Variants in GTF2F2 observed in about 807,000 individuals in gnomAD.
GTF2F2 encodes the protein general transcription factor IIF subunit 2.
Under a neutral mutation model 42.2 loss-of-function variants are expected in GTF2F2, and 23 were observed. The observed-to-expected ratio is 0.55, with a 90% CI of 0.39 to 0.77. The LOEUF is 0.77. Among genes scored for constraint, GTF2F2 ranks in the 30% least tolerant of loss-of-function variants. GTF2F2 has a pLI of 0.00. For missense variants in GTF2F2, 261 were observed against 287.2 expected, an observed-to-expected ratio of 0.91 and a Z score of 0.66; for synonymous variants, 105 against 100.8, an observed-to-expected ratio of 1.04 and a Z score of -0.25.
chr13:45,131,094 AAT>A (rs1869318752), intron 1 of GTF2F2, among the ~76,000 whole-genome samples: 1 of 152,124 alleles, frequency 6.6e-6, no homozygotes, highest in African/African-American at 2.4e-5. Flanking sequence ...CTCTGCTAAA[AAT>A]ACAAAATTAG....
intron 1 of GTF2F2, among the ~76,000 whole-genome samples, chr13:45,124,599 C>CG (rs1438042147): frequency 2.6e-5 from 4 of 151,968 alleles, no homozygotes; most frequent in Non-Finnish European, 5.9e-5. Context: ...GAGTCTCACC[C>CG]GGTCACCCAG....
At chr13:45,191,255 A>ATATATATATATATATATATATATG (rs1260872563) in intron 4 of GTF2F2, among the ~76,000 whole-genome samples, 1 of 136,530 alleles carries the variant, frequency 7.3e-6, no homozygotes, top group Non-Finnish European at 1.5e-5. Flanking sequence ...ATATATATAT[A>ATATATATATATATATATATATATG]GCCATAATCT....
At chr13:45,283,323 T>G in intron 7 of GTF2F2, 119 bp from the exon 8 acceptor site, 2 of 857,336 alleles carry the variant, frequency 2.3e-6, no homozygotes, top group Non-Finnish European at 1.7e-6. Flanking sequence ...GAAATCTTGC[T>G]GAGCTTTTAG....
At chr13:45,228,519 A>G (rs373452474) in intron 5 of GTF2F2, among the ~76,000 whole-genome samples, 4 of 144,216 alleles carry the variant, frequency 2.8e-5, no homozygotes, top group East Asian at 4.2e-4. Flanking sequence ...TGAGACCAGT[A>G]GCATTTGTCT....
rs189911777 is a variant in GTF2F2, at chr13:45,243,692, G to A, written c.387-9179G>A. ...TGTTTGTTTTTTGAGACGGAGTCTC[G>A]CTTTGTCACCCAGGCTGGAGTGCAG... is the stretch of plus-strand genomic sequence containing the variant. On this transcript the variant is annotated intron_variant, in intron 5 of 7. Coordinates refer to ENST00000340473, the MANE Select transcript of GTF2F2 (RefSeq NM_004128.3). Among the ~76,000 whole-genome samples, 266 of 151,966 alleles carry A rather than the reference G, an allele frequency of 1.8e-3. 1 individual carries two copies. Among genetic ancestry groups the A allele is most frequent in the African/African-American group, 6.1e-3 (251 of 41,442 alleles).
chr13:45,266,398 G>A (rs1305289715), intron 6 of GTF2F2, among the ~76,000 whole-genome samples: 1 of 152,148 alleles, frequency 6.6e-6, no homozygotes, highest in Non-Finnish European at 1.5e-5. Context: ...GTTCAAGGAG[G>A]TTGCACAGGG....
At chr13:45,138,737 C>G (rs943818017) in intron 2 of GTF2F2, among the ~76,000 whole-genome samples, 24 of 152,268 alleles carry the variant, frequency 1.6e-4, no homozygotes, top group African/African-American at 5.8e-4. Flanking sequence ...CCTCTGCCTC[C>G]CGGGTTCAAG....
intron 7 of GTF2F2, among the ~76,000 whole-genome samples, chr13:45,270,831 T>C (rs1876757546): frequency 6.6e-6 from 1 of 152,232 alleles, no homozygotes; most frequent in African/African-American, 2.4e-5. Flanking sequence ...GCATATATAG[T>C]GTTTCCTTTG....
chr13:45,168,944 T>TTCTTTCCC (rs1214238605), intron 4 of GTF2F2, among the ~76,000 whole-genome samples: 1 of 122,552 alleles, frequency 8.2e-6, no homozygotes, highest in Non-Finnish European at 1.7e-5. Context: ...CCCTCCTTCC[T>TTCTTTCCC]TCTTTCCCTC....
At chr13:45,267,451 C>A in intron 7 of GTF2F2, 75 bp downstream of exon 7, 1 of 1,023,110 alleles carries the variant, frequency 9.8e-7, no homozygotes, top group Non-Finnish European at 1.4e-6. Context: ...GTGTGTCATA[C>A]ATGATTTAGT....
chr13:45,182,522 C>T (rs563377337), intron 4 of GTF2F2, among the ~76,000 whole-genome samples: 1 of 152,252 alleles, frequency 6.6e-6, no homozygotes, highest in South Asian at 2.1e-4. Flanking sequence ...ATGCCTTTCT[C>T]TCTCTATGTT....
chr13:45,130,787 A>T (rs1869304429), intron 1 of GTF2F2, among the ~76,000 whole-genome samples: 1 of 152,180 alleles, frequency 6.6e-6, no homozygotes, highest in Non-Finnish European at 1.5e-5. Flanking sequence ...TAGTTCTAGT[A>T]TGGAGATTTT....
chr13:45,207,873 T>C (rs1429850144), intron 5 of GTF2F2, among the ~76,000 whole-genome samples: 1 of 152,154 alleles, frequency 6.6e-6, no homozygotes, highest in Non-Finnish European at 1.5e-5. Context: ...ATACTGTAAC[T>C]GGGCCAGGCA....
chr13:45,124,539 G>C (rs896677871), intron 1 of GTF2F2, among the ~76,000 whole-genome samples: 1 of 151,674 alleles, frequency 6.6e-6, no homozygotes, highest in Non-Finnish European at 1.5e-5. Context: ...TGTATTTTTA[G>C]TAGAGATGGG....
chr13:45,279,332 C>T (rs1447313937), intron 7 of GTF2F2, among the ~76,000 whole-genome samples: 1 of 152,198 alleles, frequency 6.6e-6, no homozygotes, highest in Non-Finnish European at 1.5e-5. Context: ...TCAGTTGGCT[C>T]TGTCACCAAC....
chr13:45,213,120 C>T (rs1030358888), intron 5 of GTF2F2, among the ~76,000 whole-genome samples: 2 of 151,188 alleles, frequency 1.3e-5, no homozygotes, highest in Non-Finnish European at 2.9e-5. Context: ...GCTCTGTCGC[C>T]CAGGCTGGAG....
chr13:45,141,343 G>T (rs189097553), intron 2 of GTF2F2, among the ~76,000 whole-genome samples: 1 of 152,262 alleles, frequency 6.6e-6, no homozygotes, highest in East Asian at 1.9e-4. Context: ...AAATCTCAAG[G>T]TCTTTTTCTT....
intron 6 of GTF2F2, among the ~76,000 whole-genome samples, chr13:45,267,010 G>A (rs531946387): frequency 5.3e-5 from 8 of 152,180 alleles, no homozygotes; most frequent in East Asian, 3.9e-4. Context: ...TTAGCCAGGC[G>A]TAGTGGCGGG....
chr13:45,208,752 A>T (rs1593492237), intron 5 of GTF2F2, among the ~76,000 whole-genome samples: 1 of 152,228 alleles, frequency 6.6e-6, no homozygotes, highest in East Asian at 1.9e-4. Flanking sequence ...TGACATAGAC[A>T]TGTTCTCTTG....
Sources: allele counts gnomAD v4.1 joint callset (sites outside exome capture counted in the v4.1 genomes callset), GRCh38; gene constraint gnomAD v4.1.1; transcripts MANE v1.5; gene names NCBI Gene and HGNC (gene_info 2026-07-23, HGNC 2026-07-21).